The following DNAH14 variants were observed in gnomAD, a reference collection of about 807,000 sequenced individuals.
The protein encoded by DNAH14 is dynein axonemal heavy chain 14.
A neutral mutation model predicts 520.9 loss-of-function variants in DNAH14; 478 were observed. That is an observed-to-expected ratio of 0.92 (90% confidence interval 0.85 to 0.99). The LOEUF (loss-of-function observed/expected upper bound fraction) is 0.99. Ranked by LOEUF, DNAH14 falls within the 50% of genes least tolerant of loss-of-function variation. DNAH14 has a pLI of 0.00. For synonymous variants in DNAH14, 1,581 were observed against 1,757.2 expected (o/e 0.90, Z 2.51); for missense variants, 4,831 against 5,234.5 (o/e 0.92, Z 2.38).
intron 57 of DNAH14, 103 bp from the exon 58 acceptor site, chr1:225,304,805 C>A: frequency 9.1e-7 from 1 of 1,102,414 alleles, no homozygotes; most frequent in Non-Finnish European, 1.3e-6. Context: ...CTCCACATCT[C>A]AGAAATAATA....
intron 10 of DNAH14, among the ~76,000 whole-genome samples, chr1:225,019,215 G>A (rs559310797): frequency 1.9e-4 from 28 of 147,942 alleles, no homozygotes; most frequent in African/African-American, 5.4e-4. Flanking sequence ...AAAGTAAAGG[G>A]TTAGAGAAAG....
At chr1:224,978,087 TG>T (rs2061996360) in intron 8 of DNAH14, among the ~76,000 whole-genome samples, 1 of 152,168 alleles carries the variant, frequency 6.6e-6, no homozygotes, top group Non-Finnish European at 1.5e-5. Context: ...CACAACCATA[TG>T]GAAAAACAGT....
intron 61 of DNAH14, among the ~76,000 whole-genome samples, chr1:225,319,990 A>G (rs2094531536): frequency 6.6e-6 from 1 of 152,208 alleles, no homozygotes; most frequent in African/African-American, 2.4e-5. Flanking sequence ...AACAGGGGCC[A>G]GTTCTTCCCC....
chr1:224,981,062 T>TATTTTGTTTTTA (rs370967400), intron 8 of DNAH14, among the ~76,000 whole-genome samples: 22,949 of 152,192 alleles, frequency 0.15, 3,194 homozygotes, highest in African/African-American at 0.36. Context: ...TGATCATGTG[T>TATTTTGTTTTTA]ATTCTGTTTA....
At chr1:225,209,097 G>A (rs1010141643) in intron 41 of DNAH14, among the ~76,000 whole-genome samples, 1 of 151,992 alleles carries the variant, frequency 6.6e-6, no homozygotes, top group African/African-American at 2.4e-5. Context: ...CTGTTCTTTT[G>A]ACTGCTTTAT....
At chr1:225,294,823 T>TA (rs143146632) in intron 55 of DNAH14, among the ~76,000 whole-genome samples, 13,147 of 93,250 alleles carry the variant, frequency 0.14, 636 homozygotes, top group South Asian at 0.24. Flanking sequence ...GACTCCATCT[T>TA]AAAAAAAAAA....
At chr1:225,158,914 G>A (rs189132716) in intron 34 of DNAH14, among the ~76,000 whole-genome samples, 1 of 152,322 alleles carries the variant, frequency 6.6e-6, no homozygotes, top group Non-Finnish European at 1.5e-5. Flanking sequence ...GACCAGTTCT[G>A]TAGATGATTT....
intron 35 of DNAH14, among the ~76,000 whole-genome samples, chr1:225,163,091 T>C (rs1026337509): frequency 7.0e-6 from 1 of 142,544 alleles, no homozygotes; most frequent in Non-Finnish European, 1.5e-5. Flanking sequence ...TGAGCCAAGA[T>C]TGTGCCACTG....
At position 225,341,725 on chromosome 1, in the gene DNAH14, G is replaced by C. The variant is rs138435171; in HGVS notation, c.10678+1024G>C. Among the ~76,000 whole-genome samples, 122 of 152,218 alleles carry C rather than the reference G, an allele frequency of 8.0e-4. 1 individual carries two copies. The East Asian group carries it at 9.1e-3, about 11-fold the overall frequency. On this transcript the variant is annotated intron_variant, in intron 69 of 85. Coordinates refer to ENST00000682510, the MANE Select transcript of DNAH14 (RefSeq NM_001367479.1). ...GCAGTAGAAATTATTTTCTTCTTCA[G>C]CACAAAAAATATCTAAGAAACCACA...
At chr1:225,033,410 G>T (rs1343384406) in intron 11 of DNAH14, among the ~76,000 whole-genome samples, 1 of 151,976 alleles carries the variant, frequency 6.6e-6, no homozygotes, top group African/African-American at 2.4e-5. Flanking sequence ...TCATTTCTGG[G>T]CTCTCTATTC....
chr1:225,051,699 T>C lies in DNAH14; in HGVS notation c.2328T>C (p.Tyr776=). The change falls in exon 17 of 86, where the codon TAT becomes TAC. Residue 776 remains tyrosine, a synonymous_variant. Coordinates refer to ENST00000682510, the MANE Select transcript of DNAH14 (RefSeq NM_001367479.1). ...TTTTCAACGTTGTAAGTCTTGATTA[T>C]CAATCAGAATGCTTACTGTATATTG... ...IGIFNVVSLD[Y]QSECLLYIDN... 1 of 1,551,302 alleles carries C rather than the reference T, an allele frequency of 6.4e-7. No homozygotes were observed. Among genetic ancestry groups the C allele is most frequent in the East Asian group, 2.5e-5 (1 of 40,800 alleles).
chr1:225,335,521 A>G lies in DNAH14; in HGVS notation c.10081-1745A>G, dbSNP rs1342230831. 2.6e-3 allele frequency among the ~76,000 whole-genome samples: 313 copies of G among 119,812 alleles called. 7 individuals are homozygous for G. The highest frequency in any genetic ancestry group is 3.9e-3 in the Non-Finnish European group (221 of 57,032). The allele number at this position is 119,812 out of a possible 152,430, so 78.6% of individuals were successfully genotyped here. A position where few individuals can be genotyped will look rare whatever the true frequency, so the allele number is the denominator to read the frequency against. ...TACATGTACACATATACATATGTAC[A>G]TATATACATATGTACATATATACGT... On this transcript the variant is annotated intron_variant, in intron 66 of 85. Coordinates refer to ENST00000682510, the MANE Select transcript of DNAH14 (RefSeq NM_001367479.1).
chr1:225,318,422 A>G (rs2094503183), intron 60 of DNAH14, among the ~76,000 whole-genome samples, 161 bp from the exon 61 acceptor site: 1 of 152,238 alleles, frequency 6.6e-6, no homozygotes, highest in African/African-American at 2.4e-5. Context: ...CACCTTTCCA[A>G]CAGTACAAGC....
intron 77 of DNAH14, among the ~76,000 whole-genome samples, chr1:225,370,707 A>C (rs1279140080): frequency 6.6e-6 from 1 of 152,082 alleles, no homozygotes; most frequent in Non-Finnish European, 1.5e-5. Context: ...AAAACAAAAG[A>C]AAATAAAAGC....
chr1:225,089,442 C>CAAAAA (rs1169182387), intron 21 of DNAH14, among the ~76,000 whole-genome samples: 650 of 29,694 alleles, frequency 0.022, 24 homozygotes, highest in Admixed American at 0.069. Context: ...AAAACTCCGT[C>CAAAAA]AAAAAAAAAA....
In DNAH14 at chr1:225,023,803, A is replaced by G. The variant is rs958551809; in HGVS notation, c.1296A>G (p.Glu432=). ...LMNTAVTLLL[E]LFNGSAGMPF... is the part of the protein sequence containing the mutation. The stretch of plus-strand genomic sequence containing the variant: ...ACACTGCAGTCACACTACTTTTGGA[A>G]TTATTTAATGGTTCTGCTGGAATGC... Residue 432 remains glutamate, a synonymous_variant, in exon 11 of 86, where the codon GAA becomes GAG. Coordinates refer to ENST00000682510, the MANE Select transcript of DNAH14 (RefSeq NM_001367479.1). The G allele has an allele frequency of 3.2e-6, 5 of 1,549,930 alleles. No homozygotes were observed. Among genetic ancestry groups the G allele is most frequent in the African/African-American group, 2.7e-5 (2 of 73,008 alleles).
chr1:224,951,340 TC>T (rs1439825615), intron 1 of DNAH14, among the ~76,000 whole-genome samples: 3 of 151,834 alleles, frequency 2.0e-5, no homozygotes, highest in African/African-American at 7.3e-5. Context: ...TGGCTCTTTT[TC>T]AAAAAAAGTT....
chr1:225,358,542 T>C lies in DNAH14; in HGVS notation c.11666T>C (p.Phe3889Ser). The C allele has an allele frequency of 6.5e-7, 1 of 1,547,006 alleles. No individual in the cohort carries two copies. Among genetic ancestry groups the C allele is most frequent in the Middle Eastern group, 1.7e-4 (1 of 5,930 alleles). Reference sequence around the variant, plus strand: ...AGTTTAAACAATTCAGTGAGAAAGTTTATAACTGAAAAAATGGGAAATAAG... The same window carrying C: ...AGTTTAAACAATTCAGTGAGAAAGTCTATAACTGAAAAAATGGGAAATAAG... ...PESLNNSVRK[F>S]ITEKMGNKYL... The change falls in exon 74 of 86, where the codon TTT becomes TCT. Residue 3889 changes from phenylalanine (F) to serine (S), a missense_variant. Transcript: ENST00000682510.
At chr1:225,010,093 T>C (rs533444858) in intron 10 of DNAH14, among the ~76,000 whole-genome samples, 4 of 152,330 alleles carry the variant, frequency 2.6e-5, no homozygotes, top group South Asian at 4.1e-4. Flanking sequence ...TCTTTCTTTC[T>C]GTTGCCTGAT....
Sources: allele counts gnomAD v4.1 joint callset (sites outside exome capture counted in the v4.1 genomes callset), GRCh38; gene constraint gnomAD v4.1.1; transcripts MANE v1.5; gene names NCBI Gene and HGNC (gene_info 2026-07-23, HGNC 2026-07-21).